TREML2: variants seen among roughly 807,000 people sequenced by gnomAD.
TREML2 encodes the protein triggering receptor expressed on myeloid cells like 2.
A neutral mutation model predicts 25.9 loss-of-function variants in TREML2; 24 were observed. The observed-to-expected ratio is 0.93, with a 90% CI of 0.67 to 1.30. The LOEUF (loss-of-function observed/expected upper bound fraction) is 1.30. Among genes scored for constraint, TREML2 ranks in the 50% most tolerant of loss-of-function variants. The pLI is 0.00. For missense variants in TREML2, 359 were observed against 395.6 expected (o/e 0.91, Z 0.78); for synonymous variants, 139 against 155.2 (o/e 0.90, Z 0.77).
chr6:41,194,459 G>C lies in TREML2; in HGVS notation c.751C>G (p.Leu251Val), dbSNP rs185375765. ...GGCATGGAGGGTAGTCTGTTGAGGA[G>C]AGATCTGCTGGTGAGGCAGAGCCCT... The part of the protein sequence containing the change: ...TTGLCLTSRS[L>V]LNRLPSMPSI... The change falls in exon 3 of 5, where the codon CTC becomes GTC. Residue 251 changes from leucine (L) to valine (V), a missense_variant. Leu to Val is a conservative substitution (Grantham distance 32). Coordinates refer to ENST00000483722, the MANE Select transcript of TREML2 (RefSeq NM_024807.4). The C allele has an allele frequency of 8.1e-5, 130 of 1,598,476 alleles. No individual in the cohort carries two copies. Among genetic ancestry groups the C allele is most frequent in the Middle Eastern group, 1.7e-4 (1 of 6,034 alleles).
At position 41,192,328 on chromosome 6, in the gene TREML2, TC is replaced by T; in HGVS notation, c.*98del. 2.0e-6 allele frequency: 2 copies of T among 989,158 alleles called. No individual in the cohort carries two copies. The highest frequency in any genetic ancestry group is 2.7e-5 in the South Asian group (2 of 72,984). 61.3% of individuals were successfully genotyped at this position (989,158 alleles called of 1,614,324 possible). A position where few individuals can be genotyped will look rare whatever the true frequency, so the allele number is the denominator to read the frequency against. ...GGTGAGTCCAGCACTGCACAAGTCCTCCAGCTTCATAAGATCGATACTGGCC... is the reference window on the plus strand; with the variant it reads ...GGTGAGTCCAGCACTGCACAAGTCCTCAGCTTCATAAGATCGATACTGGCC... On this transcript the variant is annotated 3_prime_UTR_variant, in exon 5 of 5. Coordinates refer to ENST00000483722, the MANE Select transcript of TREML2 (RefSeq NM_024807.4).
rs774880812 is a variant in TREML2, at chr6:41,198,370, C to G, written c.115G>C (p.Val39Leu). The change falls in exon 2 of 5, where the codon GTG becomes CTG. Residue 39 changes from valine (V) to leucine (L), a missense_variant. Transcript: ENST00000483722. ...VRLLEGETLSVQCSYKGYKNR... is the reference protein window; with the variant it reads ...VRLLEGETLSLQCSYKGYKNR... ...TTGTAGCCCTTATAGGAGCACTGCA[C>G]AGACAGAGTCTCCCCTTCAAGGAGC... 1 of 1,614,212 alleles carries G rather than the reference C, an allele frequency of 6.2e-7. No homozygotes were observed. The highest frequency in any genetic ancestry group is 1.7e-5 in the Admixed American group (1 of 60,022).
chr6:41,191,434 C>T lies in TREML2; in HGVS notation c.*993G>A, dbSNP rs949280057. 6.6e-6 allele frequency: 1 copy of T among 152,348 alleles called. No homozygotes were observed. The highest frequency in any genetic ancestry group is 2.4e-5 in the African/African-American group (1 of 41,424). The allele number at this position is 152,348 out of a possible 1,614,324, so 9.4% of individuals were successfully genotyped here. A position where few individuals can be genotyped will look rare whatever the true frequency, so the allele number is the denominator to read the frequency against. On this transcript the variant is annotated 3_prime_UTR_variant, in exon 5 of 5. Transcript: ENST00000483722. ...GCCGTGGTCAGTTCCAAGTTACTGT[C>T]TTCACTGTGTCCCAAGTGTGTCTTC...
intron 3 of TREML2, 49 bp downstream of exon 3, chr6:41,194,376 G>C: frequency 6.7e-7 from 1 of 1,485,284 alleles, no homozygotes; most frequent in Non-Finnish European, 9.0e-7. Context: ...CTCCAGGTCT[G>C]TTTGGGCACT....
chr6:41,192,574 A>C, intron 4 of TREML2, 68 bp from the exon 5 acceptor site: 2 of 1,460,634 alleles, frequency 1.4e-6, no homozygotes, highest in Non-Finnish European at 1.9e-6. Flanking sequence ...CTCCTCCACC[A>C]GCCCCAGCCC....
intron 2 of TREML2, among the ~76,000 whole-genome samples, chr6:41,195,911 C>T (rs917710150): frequency 2.6e-5 from 4 of 152,186 alleles, no homozygotes; most frequent in East Asian, 1.9e-4. Context: ...AGAGGAACCC[C>T]GCCTTCTTCA....
intron 4 of TREML2, 136 bp from the exon 5 acceptor site, chr6:41,192,642 G>C (rs1766087339): frequency 8.7e-7 from 1 of 1,150,902 alleles, no homozygotes; most frequent in South Asian, 1.4e-5. Flanking sequence ...GTGCTGGGTG[G>C]TCTCCGCCTG....
chr6:41,192,859 G>A lies in TREML2; in HGVS notation c.828C>T (p.Thr276=), dbSNP rs1766092655. 1 of 1,606,142 alleles carries A rather than the reference G, an allele frequency of 6.2e-7. No individual in the cohort carries two copies. Among genetic ancestry groups the A allele is most frequent in the Admixed American group, 1.7e-5 (1 of 59,100 alleles). ...CCATGATCAGCATCAGCACCAGGAG[G>A]GTCAGCACCACCCCAAGCACAGTGG... The part of the protein sequence containing the change: ...VYSTVLGVVL[T]LLVLMLIMVY... The change falls in exon 4 of 5, where the codon ACC becomes ACT. Residue 276 remains threonine, a synonymous_variant. Coordinates refer to ENST00000483722, the MANE Select transcript of TREML2 (RefSeq NM_024807.4).
rs554830715 is a variant in TREML2 at position 41,200,920 on chromosome 6, C to G, written c.55+34G>C. 3.3e-6 allele frequency: 5 copies of G among 1,503,918 alleles called. No homozygotes were observed. The African/African-American group carries it at 7.0e-5, about 21-fold the overall frequency. The allele number at this position is 1,503,918 out of a possible 1,614,324, so 93.2% of individuals were successfully genotyped here. ...CTGAGCTCCTGCCTCTGTACCCACT[C>G]CCTCCTCCACAAGTCAGCCCCTTCT... On this transcript the variant is annotated intron_variant, in intron 1 of 4. Coordinates refer to ENST00000483722, the MANE Select transcript of TREML2 (RefSeq NM_024807.4).
At chr6:41,196,764 T>A (rs1766173942) in intron 2 of TREML2, among the ~76,000 whole-genome samples, 1 of 152,192 alleles carries the variant, frequency 6.6e-6, no homozygotes, top group Non-Finnish European at 1.5e-5. Context: ...ATTTCTCTAA[T>A]TCCCTGGACT....
intron 2 of TREML2, among the ~76,000 whole-genome samples, chr6:41,195,200 A>G (rs999360294): frequency 1.1e-4 from 17 of 152,286 alleles, no homozygotes; most frequent in African/African-American, 3.9e-4. Context: ...GAACTTTTCC[A>G]GCTATTCCAT....
chr6:41,193,296 C>G (rs535534501), intron 3 of TREML2, among the ~76,000 whole-genome samples: 2 of 152,210 alleles, frequency 1.3e-5, no homozygotes, highest in East Asian at 3.9e-4. Context: ...TGTCCTCTTG[C>G]CTGTGTCATT....
chr6:41,194,470 G>A lies in TREML2; in HGVS notation c.740C>T (p.Thr247Ile). ...TAGTCTGTTGAGGAGAGATCTGCTG[G>A]TGAGGCAGAGCCCTGTGGTGGGCGA... is the stretch of plus-strand genomic sequence containing the variant. ...TRSPTTGLCL[T>I]SRSLLNRLPS... The change falls in exon 3 of 5, where the codon ACC becomes ATC. Residue 247 changes from threonine (T) to isoleucine (I), a missense_variant. Coordinates refer to ENST00000483722, the MANE Select transcript of TREML2 (RefSeq NM_024807.4). 1 of 1,606,226 alleles carries A rather than the reference G, an allele frequency of 6.2e-7. No homozygotes were observed. The highest frequency in any genetic ancestry group is 1.1e-5 in the South Asian group (1 of 89,562).
intron 3 of TREML2, among the ~76,000 whole-genome samples, chr6:41,193,678 C>T (rs1766106569): frequency 6.6e-6 from 1 of 151,802 alleles, no homozygotes; most frequent in African/African-American, 2.4e-5. Flanking sequence ...TTTTCCACTT[C>T]CTACTCCATG....
intron 1 of TREML2, among the ~76,000 whole-genome samples, 171 bp downstream of exon 1, chr6:41,200,783 G>T (rs9471503): frequency 6.6e-6 from 1 of 152,142 alleles, no homozygotes; most frequent in East Asian, 1.9e-4. Flanking sequence ...GGTTAGCTTC[G>T]CCTGGGGCCT....
rs550270530 is a variant in TREML2, at chr6:41,197,225, A to C, written c.376+884T>G. On this transcript the variant is annotated intron_variant, in intron 2 of 4. Coordinates refer to ENST00000483722, the MANE Select transcript of TREML2 (RefSeq NM_024807.4). ...TGGCCTCTCTACCCGTGTTCATACC[A>C]TTCACAATCCATCCTCAACAAGTGG... Among the ~76,000 whole-genome samples, 4 of 152,306 alleles carry C rather than the reference A, an allele frequency of 2.6e-5. No homozygotes were observed. The South Asian group carries it at 8.3e-4, about 32-fold the overall frequency.
rs141848925 is a variant in TREML2 at position 41,201,103 on chromosome 6, C to T, written c.-95G>A. The T allele has an allele frequency of 5.1e-5, 74 of 1,460,790 alleles. No homozygotes were observed. In the South Asian group the frequency reaches 5.8e-4, roughly 12 times the overall value. The allele number at this position is 1,460,790 out of a possible 1,614,324, so 90.5% of individuals were successfully genotyped here. The stretch of plus-strand genomic sequence containing the variant: ...CACCTGGGCCTGCCAGGGAAGGACC[C>T]GGGGTTCTAAAAGTGAAGCTGCCCA... On this transcript the variant is annotated 5_prime_UTR_variant, in exon 1 of 5. Transcript: ENST00000483722.
chr6:41,198,534 G>A (rs1766220062), intron 1 of TREML2, 105 bp from the exon 2 acceptor site: 1 of 1,227,666 alleles, frequency 8.1e-7, no homozygotes, highest in Non-Finnish European at 1.1e-6. Context: ...TTGTCCTGCT[G>A]TCACAGAACC....
At chr6:41,194,937 T>G in intron 2 of TREML2, 104 bp from the exon 3 acceptor site, 1 of 1,043,890 alleles carries the variant, frequency 9.6e-7, no homozygotes, top group Non-Finnish European at 1.4e-6. Flanking sequence ...GATGGGGGCC[T>G]GTCCTCTTCT....
Sources: allele counts gnomAD v4.1 joint callset (sites outside exome capture counted in the v4.1 genomes callset), GRCh38; gene constraint gnomAD v4.1.1; transcripts MANE v1.5; gene names NCBI Gene and HGNC (gene_info 2026-07-23, HGNC 2026-07-21).